The following PTPRM variants were observed in gnomAD, a reference collection of about 807,000 sequenced individuals.
PTPRM encodes the protein receptor-type tyrosine-protein phosphatase mu.
PTPRM carries 47 observed loss-of-function variants against 186.7 expected under a neutral mutation model. That is an observed-to-expected ratio of 0.25 (90% CI 0.20 to 0.32). The LOEUF is 0.32. PTPRM is among the 10% of genes least tolerant of loss of function. PTPRM has a pLI of 1.00. For missense variants in PTPRM, 1,494 were observed against 1,865.0 expected (o/e 0.80, Z 3.66); for synonymous variants, 668 against 674.9 (o/e 0.99, Z 0.16).
chr18:8,376,099 G>A lies in PTPRM; in HGVS notation c.3225G>A (p.Pro1075=), dbSNP rs151308535. The change falls in exon 25 of 33, where the codon CCG becomes CCA. Residue 1075 remains proline, a synonymous_variant. Coordinates refer to ENST00000580170, the MANE Select transcript of PTPRM (RefSeq NM_001105244.2). The part of the protein sequence containing the change: ...EIRQFHFTGW[P]DHGVPYHATG... ...GACAGTTTCACTTCACTGGCTGGCC[G>A]GATCATGGGGTCCCCTACCATGCCA... 1.0e-4 allele frequency: 166 copies of A among 1,613,978 alleles called. No homozygotes were observed. Among genetic ancestry groups the A allele is most frequent in the African/African-American group, 8.8e-4 (66 of 75,050 alleles).
chr18:7,945,501 A>C (rs2052464618), intron 5 of PTPRM, among the ~76,000 whole-genome samples: 1 of 151,954 alleles, frequency 6.6e-6, no homozygotes, highest in Non-Finnish European at 1.5e-5. Flanking sequence ...CCCCACCAGC[A>C]AGAAGGCCCT....
At chr18:8,309,849 T>C (rs747478379) in intron 20 of PTPRM, among the ~76,000 whole-genome samples, 1 of 152,154 alleles carries the variant, frequency 6.6e-6, no homozygotes, top group Non-Finnish European at 1.5e-5. Context: ...ATTTTTGATC[T>C]GTAGGAGAAA....
intron 32 of PTPRM, among the ~76,000 whole-genome samples, chr18:8,402,256 T>C (rs1305894506): frequency 6.6e-6 from 1 of 152,200 alleles, no homozygotes; most frequent in African/African-American, 2.4e-5. Context: ...TTTCCCCTTA[T>C]TTTTCTGATT....
At chr18:8,150,066 G>T (rs981784080) in intron 14 of PTPRM, among the ~76,000 whole-genome samples, 1 of 152,084 alleles carries the variant, frequency 6.6e-6, no homozygotes, top group Non-Finnish European at 1.5e-5. Context: ...TTTCTCTCTG[G>T]CTGCCCTTAA....
chr18:8,344,448 G>GTATATATATATA (rs1207996603), intron 23 of PTPRM, among the ~76,000 whole-genome samples: 992 of 33,210 alleles, frequency 0.03, 14 homozygotes, highest in Non-Finnish European at 0.067. Context: ...GTGTGTGTGT[G>GTATATATATATA]TATATATATA....
chr18:7,655,599 A>G (rs1024003818), intron 1 of PTPRM, among the ~76,000 whole-genome samples: 5 of 152,226 alleles, frequency 3.3e-5, no homozygotes, highest in Admixed American at 3.3e-4. Flanking sequence ...ACACATGGTT[A>G]TAGCAGCTTT....
chr18:8,113,736 C>T lies in PTPRM; in HGVS notation c.2107C>T (p.Gln703Ter). Residue 703 changes from glutamine to a stop codon, truncating the protein, a stop_gained, in exon 12 of 33, where the codon CAA becomes TAA. Coordinates refer to ENST00000580170, the MANE Select transcript of PTPRM (RefSeq NM_001105244.2). LOFTEE classifies it high-confidence loss of function. ...CTATAAAAGCTACAGAATTTATTTC[C>T]AAGCTGCTAGTAGAGCCAATGGGGT... ...LPYKSYRIYF[Q>*]AASRANGETK... The T allele has an allele frequency of 6.2e-7, 1 of 1,613,564 alleles. No homozygotes were observed. The highest frequency in any genetic ancestry group is 8.5e-7 in the Non-Finnish European group (1 of 1,179,650).
At chr18:8,225,890 T>C (rs570492665) in intron 14 of PTPRM, among the ~76,000 whole-genome samples, 4 of 152,290 alleles carry the variant, frequency 2.6e-5, no homozygotes, top group East Asian at 3.9e-4. Context: ...CTAATACTTA[T>C]ATGTCAAAGT....
At chr18:7,962,136 TA>T (rs2053724432) in intron 7 of PTPRM, among the ~76,000 whole-genome samples, 1 of 152,224 alleles carries the variant, frequency 6.6e-6, no homozygotes, top group Admixed American at 6.5e-5. Context: ...GTGAATCTCC[TA>T]TTTTTTTGTG....
chr18:8,306,751 A>C (rs989763180), intron 20 of PTPRM, among the ~76,000 whole-genome samples: 4 of 152,144 alleles, frequency 2.6e-5, no homozygotes, highest in African/African-American at 9.7e-5. Flanking sequence ...CTTCAAAACA[A>C]ACCTGCAGAA....
chr18:7,713,865 G>C (rs1314604680), intron 1 of PTPRM, among the ~76,000 whole-genome samples: 1 of 152,058 alleles, frequency 6.6e-6, no homozygotes, highest in Non-Finnish European at 1.5e-5. Context: ...GGAGCACCCA[G>C]ATTCATAAAG....
chr18:7,787,168 A>G (rs887908916), intron 2 of PTPRM, among the ~76,000 whole-genome samples: 22 of 152,190 alleles, frequency 1.4e-4, no homozygotes, highest in Admixed American at 1.1e-3. Context: ...ATATTTCTCA[A>G]TGGTTTTGAG....
chr18:7,877,761 A>T (rs907743628), intron 2 of PTPRM, among the ~76,000 whole-genome samples: 1 of 152,200 alleles, frequency 6.6e-6, no homozygotes, highest in Non-Finnish European at 1.5e-5. Context: ...TGCCCAGCAC[A>T]GTCCAGAGTA....
intron 1 of PTPRM, among the ~76,000 whole-genome samples, chr18:7,590,566 T>G (rs2037099482): frequency 6.6e-6 from 1 of 152,162 alleles, no homozygotes; most frequent in South Asian, 2.1e-4. Context: ...GTAAAAAAAT[T>G]GGGAACAACC....
chr18:8,103,624 G>A (rs1210894570), intron 11 of PTPRM, among the ~76,000 whole-genome samples: 2 of 152,116 alleles, frequency 1.3e-5, no homozygotes, highest in East Asian at 3.8e-4. Context: ...CTTCTATCCA[G>A]ACCACTCAAG....
At chr18:8,272,298 T>C (rs754722663) in intron 19 of PTPRM, among the ~76,000 whole-genome samples, 1 of 152,000 alleles carries the variant, frequency 6.6e-6, no homozygotes, top group South Asian at 2.1e-4. Context: ...TTTTAAAAAT[T>C]TCTTTTAATA....
chr18:7,812,250 T>C (rs535599290), intron 2 of PTPRM, among the ~76,000 whole-genome samples: 2 of 152,364 alleles, frequency 1.3e-5, no homozygotes, highest in East Asian at 1.9e-4. Context: ...ATTTCAGGTT[T>C]TCAAGTGACT....
chr18:7,715,012 C>T (rs1020752395), intron 1 of PTPRM, among the ~76,000 whole-genome samples: 24 of 152,166 alleles, frequency 1.6e-4, no homozygotes, highest in Non-Finnish European at 1.5e-5. Flanking sequence ...TTTTATGAGG[C>T]CAACATCATC....
chr18:8,391,839 T>C (rs1191063087), intron 31 of PTPRM, among the ~76,000 whole-genome samples: 3 of 152,226 alleles, frequency 2.0e-5, no homozygotes, highest in Non-Finnish European at 4.4e-5. Context: ...CAACCAGATA[T>C]TTTTGGCTTG....
Sources: gnomAD v4.1 joint callset for allele counts (sites outside exome capture counted in the v4.1 genomes callset) on GRCh38, gnomAD v4.1.1 for gene constraint, MANE v1.5 for transcripts, NCBI Gene and HGNC (gene_info 2026-07-23, HGNC 2026-07-21) for gene names.